Variants in GRXCR1 observed in about 807,000 individuals in gnomAD.
GRXCR1 encodes glutaredoxin domain-containing cysteine-rich protein 1.
A neutral mutation model predicts 27.3 loss-of-function variants in GRXCR1; 27 were observed. That is an observed-to-expected ratio of 0.99 (90% CI 0.73 to 1.37). The LOEUF is 1.37. GRXCR1 is among the 40% of genes most tolerant of loss of function. The pLI is 0.00. For missense variants in GRXCR1, 379 were observed against 354.4 expected, an observed-to-expected ratio of 1.07 and a Z score of -0.56; for synonymous variants, 122 against 131.1, an observed-to-expected ratio of 0.93 and a Z score of 0.47.
intron 1 of GRXCR1, among the ~76,000 whole-genome samples, chr4:42,908,223 T>C (rs190609341): frequency 2.0e-5 from 3 of 152,318 alleles, no homozygotes; most frequent in Non-Finnish European, 2.9e-5. Flanking sequence ...ACCTTTATTT[T>C]ACACTGAATT....
intron 1 of GRXCR1, among the ~76,000 whole-genome samples, chr4:42,937,500 C>A (rs906381058): frequency 2.0e-5 from 3 of 151,928 alleles, no homozygotes; most frequent in Non-Finnish European, 4.4e-5. Flanking sequence ...AGCTGACAGA[C>A]CAAGGAAATA....
intron 1 of GRXCR1, among the ~76,000 whole-genome samples, chr4:42,900,376 T>C (rs1393678516): frequency 6.6e-6 from 1 of 152,200 alleles, no homozygotes. Flanking sequence ...GCTGATAAAT[T>C]ATGCCTTAGA....
chr4:42,971,409 C>A (rs1393902408), intron 2 of GRXCR1, among the ~76,000 whole-genome samples: 2 of 152,088 alleles, frequency 1.3e-5, no homozygotes, highest in East Asian at 3.9e-4. Context: ...CTACCTGAGA[C>A]TGGGTAATTT....
At chr4:42,921,580 A>G (rs1181577829) in intron 1 of GRXCR1, among the ~76,000 whole-genome samples, 4 of 152,040 alleles carry the variant, frequency 2.6e-5, no homozygotes, top group Non-Finnish European at 5.9e-5. Flanking sequence ...ACCTGAGTAT[A>G]TGTACTCAGT....
intron 2 of GRXCR1, among the ~76,000 whole-genome samples, chr4:42,967,915 C>A (rs1560668425): frequency 1.3e-5 from 2 of 152,084 alleles, no homozygotes; most frequent in South Asian, 4.1e-4. Flanking sequence ...ATGAGGTTTT[C>A]CAGTCTTACT....
At chr4:42,905,904 A>G (rs1346408554) in intron 1 of GRXCR1, among the ~76,000 whole-genome samples, 3 of 152,186 alleles carry the variant, frequency 2.0e-5, no homozygotes, top group African/African-American at 7.2e-5. Context: ...CAAACAAGCA[A>G]CAGTGCCTGC....
intron 1 of GRXCR1, among the ~76,000 whole-genome samples, chr4:42,899,141 C>T (rs1404854045): frequency 1.3e-5 from 2 of 152,066 alleles, no homozygotes; most frequent in African/African-American, 4.8e-5. Flanking sequence ...AATGAATTAA[C>T]CCTCTTAGTG....
At chr4:43,005,448 G>T (rs1312159048) in intron 2 of GRXCR1, among the ~76,000 whole-genome samples, 1 of 152,104 alleles carries the variant, frequency 6.6e-6, no homozygotes, top group Middle Eastern at 3.2e-3. Context: ...TTAATTCTAT[G>T]CTCACTTTTT....
chr4:42,907,826 G>A (rs541986047), intron 1 of GRXCR1, among the ~76,000 whole-genome samples: 32 of 152,244 alleles, frequency 2.1e-4, no homozygotes, highest in East Asian at 3.9e-4. Flanking sequence ...GAAAAGCTCC[G>A]TTCTGGGATC....
At chr4:42,933,546 C>T (rs1204007995) in intron 1 of GRXCR1, among the ~76,000 whole-genome samples, 1 of 151,942 alleles carries the variant, frequency 6.6e-6, no homozygotes, top group African/African-American at 2.4e-5. Flanking sequence ...TCAGTATCTT[C>T]ATATCTTCCT....
intron 1 of GRXCR1, among the ~76,000 whole-genome samples, chr4:42,905,176 C>T (rs1199219866): frequency 1.3e-5 from 2 of 152,158 alleles, no homozygotes; most frequent in Admixed American, 1.3e-4. Flanking sequence ...GCCTTGGATT[C>T]CTTAATATTA....
At chr4:42,932,286 T>C (rs370837332) in intron 1 of GRXCR1, among the ~76,000 whole-genome samples, 1 of 151,800 alleles carries the variant, frequency 6.6e-6, no homozygotes, top group Non-Finnish European at 1.5e-5. Flanking sequence ...ATTCCTTCCT[T>C]GGCCCCTGGC....
At chr4:42,935,567 T>G (rs1242994881) in intron 1 of GRXCR1, among the ~76,000 whole-genome samples, 1 of 151,802 alleles carries the variant, frequency 6.6e-6, no homozygotes, top group Non-Finnish European at 1.5e-5. Context: ...GCACAATGTC[T>G]TAGGCGAGTA....
chr4:42,955,660 A>G (rs1747984759), intron 1 of GRXCR1, among the ~76,000 whole-genome samples: 1 of 152,180 alleles, frequency 6.6e-6, no homozygotes, highest in South Asian at 2.1e-4. Context: ...TGATGAATAT[A>G]AAGTTATTAG....
intron 1 of GRXCR1, among the ~76,000 whole-genome samples, chr4:42,937,736 A>C (rs10019598): frequency 0.013 from 1,941 of 152,012 alleles, 49 homozygotes; most frequent in African/African-American, 0.044. Flanking sequence ...TAATATTTCA[A>C]TTCTCATATA....
At chr4:43,008,512 C>A (rs1712635863) in intron 2 of GRXCR1, among the ~76,000 whole-genome samples, 1 of 152,170 alleles carries the variant, frequency 6.6e-6, no homozygotes, top group South Asian at 2.1e-4. Context: ...CTTAACATAT[C>A]TTCCATCAGT....
Position 42,958,874 on chromosome 4 carries a change from T to A in GRXCR1, c.385-4018T>A, listed in dbSNP as rs113233223. ...AAGTGCAAATCAAAACAGTGAGATA[T>A]CACCTTACACTTCTTAGGATGGCTG... On this transcript the variant is annotated intron_variant, in intron 1 of 3. Coordinates refer to ENST00000399770, the MANE Select transcript of GRXCR1 (RefSeq NM_001080476.3). 3.5e-3 allele frequency among the ~76,000 whole-genome samples: 529 copies of A among 152,042 alleles called. 4 individuals are homozygous for A. Among genetic ancestry groups the A allele is most frequent in the African/African-American group, 0.011 (442 of 41,522 alleles).
chr4:42,904,171 C>G (rs1031884323), intron 1 of GRXCR1, among the ~76,000 whole-genome samples: 4 of 152,168 alleles, frequency 2.6e-5, no homozygotes, highest in African/African-American at 9.6e-5. Context: ...TCCATGGATT[C>G]TGGTGTCCAT....
At chr4:42,992,707 G>A (rs545644143) in intron 2 of GRXCR1, among the ~76,000 whole-genome samples, 18 of 151,984 alleles carry the variant, frequency 1.2e-4, no homozygotes, top group Non-Finnish European at 2.4e-4. Context: ...GAAAATGAAC[G>A]TTTCATTGTT....
Sources: gnomAD v4.1 joint callset for allele counts (sites outside exome capture counted in the v4.1 genomes callset) on GRCh38, gnomAD v4.1.1 for gene constraint, MANE v1.5 for transcripts, NCBI Gene and HGNC (gene_info 2026-07-23, HGNC 2026-07-21) for gene names.